The following SPATA17 variants were observed in gnomAD, a reference collection of about 807,000 sequenced individuals.
The protein encoded by SPATA17 is spermatogenesis-associated protein 17.
In SPATA17, 53 loss-of-function variants were observed where a neutral mutation model predicts 62.2. The ratio of observed to expected loss-of-function variants is 0.85; its 90% CI spans 0.68 to 1.07. The LOEUF (loss-of-function observed/expected upper bound fraction) is 1.07, where lower values mean the gene tolerates loss of function less well. SPATA17 is among the 50% of genes least tolerant of loss of function. The pLI, the probability that SPATA17 is intolerant of heterozygous loss-of-function variation, is 0.00. For missense variants in SPATA17, 466 were observed against 425.5 expected (o/e 1.10, Z -0.84); for synonymous variants, 146 against 146.8 (o/e 0.99, Z 0.04).
chr1:217,786,812 T>TCTTCTTCTC (rs1673883448), intron 8 of SPATA17, among the ~76,000 whole-genome samples: 1 of 149,860 alleles, frequency 6.7e-6, no homozygotes, highest in Non-Finnish European at 1.5e-5. Context: ...TTCTTCTTCT[T>TCTTCTTCTC]CCTCTGTATA....
At chr1:217,636,916 A>G (rs1258927974) in intron 1 of SPATA17, among the ~76,000 whole-genome samples, 1 of 152,218 alleles carries the variant, frequency 6.6e-6, no homozygotes, top group African/African-American at 2.4e-5. Context: ...TTTTTTAACA[A>G]TATGTAAGAA....
In SPATA17 at chr1:217,800,297, C is replaced by T. The variant is rs142380959; in HGVS notation, c.873-1421C>T. On this transcript the variant is annotated intron_variant, in intron 8 of 10. Transcript: ENST00000366933. ...TCCCCAAATTGTTGATATTTGAACT[C>T]GTTTCTCTGAGAACTGTCATGTCTT... 4.6e-5 allele frequency among the ~76,000 whole-genome samples: 7 copies of T among 152,162 alleles called. No homozygotes were observed. The East Asian group carries it at 9.6e-4, about 21-fold the overall frequency.
chr1:217,733,988 C>T (rs572994407), intron 5 of SPATA17, among the ~76,000 whole-genome samples: 5 of 152,166 alleles, frequency 3.3e-5, no homozygotes, highest in Admixed American at 3.3e-4. Flanking sequence ...GAGTAGGTAA[C>T]CAGTAGCAAA....
intron 7 of SPATA17, among the ~76,000 whole-genome samples, chr1:217,777,340 C>A (rs1673619034): frequency 6.6e-6 from 1 of 152,054 alleles, no homozygotes; most frequent in African/African-American, 2.4e-5. Flanking sequence ...TAGTCAGTTT[C>A]CCCCTTGGAC....
chr1:217,796,166 T>C (rs1444162835), intron 8 of SPATA17, among the ~76,000 whole-genome samples: 1 of 152,146 alleles, frequency 6.6e-6, no homozygotes, highest in African/African-American at 2.4e-5. Context: ...ACTTTGTTAG[T>C]TTAAAACATT....
intron 9 of SPATA17, among the ~76,000 whole-genome samples, chr1:217,832,604 G>A (rs764170546): frequency 3.3e-5 from 5 of 152,064 alleles, no homozygotes; most frequent in Non-Finnish European, 7.4e-5. Context: ...GTAATCAATA[G>A]TGGCTTTAAG....
chr1:217,654,870 G>A lies in SPATA17; in HGVS notation c.240+3692G>A, dbSNP rs970946834. Among the ~76,000 whole-genome samples the A allele has an allele frequency of 9.9e-5, 15 of 151,902 alleles. 1 individual carries two copies. Among genetic ancestry groups the A allele is most frequent in the Admixed American group, 2.6e-4 (4 of 15,244 alleles). On this transcript the variant is annotated intron_variant, in intron 3 of 10. Transcript: ENST00000366933. ...TGGGACTACAGGCACGTGCCACCAC[G>A]CCCGGCTAATTTTTGTATTTTTAGT...
chr1:217,862,830 T>G lies in SPATA17; in HGVS notation c.1062T>G (p.Tyr354Ter). ...TCTTCTCAAAGTATGGAAAATTATA[T>G]TCAAAAGCTGGACAGATTGTATAAA... ...FELFSKYGKL[Y>*]SKAGQIV The change falls in exon 10 of 11, where the codon TAT becomes TAG. Residue 354 changes from tyrosine to a stop codon, truncating the protein, a stop_gained. Transcript: ENST00000366933. LOFTEE classifies it high-confidence loss of function. 1 of 1,609,894 alleles carries G rather than the reference T, an allele frequency of 6.2e-7. No individual in the cohort carries two copies. Among genetic ancestry groups the G allele is most frequent in the Non-Finnish European group, 8.5e-7 (1 of 1,177,512 alleles).
chr1:217,858,338 G>C (rs1392745155), intron 9 of SPATA17, among the ~76,000 whole-genome samples: 2 of 152,216 alleles, frequency 1.3e-5, no homozygotes, highest in Non-Finnish European at 2.9e-5. Flanking sequence ...GGTATAATAT[G>C]AATAGACTTC....
intron 1 of SPATA17, among the ~76,000 whole-genome samples, chr1:217,636,131 CAA>C (rs397982927): frequency 0.029 from 2,952 of 101,560 alleles, 33 homozygotes; most frequent in Non-Finnish European, 0.038. Context: ...GACTCCGTCT[CAA>C]AAAAAAAAAA....
chr1:217,749,387 T>C (rs892751823), intron 6 of SPATA17, among the ~76,000 whole-genome samples: 1 of 152,210 alleles, frequency 6.6e-6, no homozygotes, highest in Non-Finnish European at 1.5e-5. Flanking sequence ...ATGATCTTTG[T>C]GGTTTGATGC....
chr1:217,656,544 A>C (rs1327357675), intron 3 of SPATA17, among the ~76,000 whole-genome samples: 1 of 145,778 alleles, frequency 6.9e-6, no homozygotes, highest in Non-Finnish European at 1.5e-5. Context: ...AATAGGTCTG[A>C]TATATGTATG....
chr1:217,763,115 C>A (rs1277429530), intron 6 of SPATA17, among the ~76,000 whole-genome samples: 1 of 152,212 alleles, frequency 6.6e-6, no homozygotes, highest in Non-Finnish European at 1.5e-5. Context: ...TGAGAACCCA[C>A]AACTTATCAT....
At chr1:217,775,295 A>C (rs1353043423) in intron 7 of SPATA17, among the ~76,000 whole-genome samples, 3 of 151,984 alleles carry the variant, frequency 2.0e-5, no homozygotes, top group Non-Finnish European at 4.4e-5. Flanking sequence ...TTTGATGTTG[A>C]GTTTTAGGAG....
chr1:217,772,539 A>G (rs1410592169), intron 6 of SPATA17, among the ~76,000 whole-genome samples: 3 of 152,232 alleles, frequency 2.0e-5, no homozygotes, highest in Non-Finnish European at 4.4e-5. Flanking sequence ...CTGTTAAAAA[A>G]AAGAAAAATG....
intron 9 of SPATA17, among the ~76,000 whole-genome samples, chr1:217,823,736 G>A (rs577661612): frequency 7.2e-5 from 11 of 151,986 alleles, no homozygotes; most frequent in Middle Eastern, 3.4e-3. Context: ...TTATTGTATT[G>A]CAGTGTATCT....
intron 6 of SPATA17, among the ~76,000 whole-genome samples, chr1:217,749,981 C>CTATATATATATA (rs1248987599): frequency 2.4e-3 from 64 of 26,966 alleles, no homozygotes; most frequent in African/African-American, 6.6e-3. Flanking sequence ...CTCTCTCTCT[C>CTATATATATATA]TCTCTATATA....
At chr1:217,646,465 A>G (rs1449632322) in intron 1 of SPATA17, among the ~76,000 whole-genome samples, 2 of 152,188 alleles carry the variant, frequency 1.3e-5, no homozygotes, top group African/African-American at 4.8e-5. Flanking sequence ...ACCTTTTCCC[A>G]CAAAGTCTCC....
At position 217,676,964 on chromosome 1, in the gene SPATA17, A is replaced by G. The variant is rs1386115803; in HGVS notation, c.292-6294A>G. 2.0e-5 allele frequency among the ~76,000 whole-genome samples: 3 copies of G among 152,126 alleles called. No individual in the cohort carries two copies. The East Asian group carries it at 5.8e-4, about 29-fold the overall frequency. On this transcript the variant is annotated intron_variant, in intron 4 of 10. Transcript: ENST00000366933. ...CATACCTGTTATTTATCAATCACCT[A>G]TACTCGCTTAGTGAAATTCCACTGG... is the stretch of plus-strand genomic sequence containing the variant.
Sources: gnomAD v4.1 joint callset for allele counts (sites outside exome capture counted in the v4.1 genomes callset) on GRCh38, gnomAD v4.1.1 for gene constraint, MANE v1.5 for transcripts, NCBI Gene and HGNC (gene_info 2026-07-23, HGNC 2026-07-21) for gene names.